PRSS41: variants seen among roughly 807,000 people sequenced by gnomAD.
PRSS41 encodes serine protease 41, also known as protease, serine 41.
Under a neutral mutation model 28.8 loss-of-function variants are expected in PRSS41, and 37 were observed. The observed-to-expected ratio is 1.29, with a 90% confidence interval of 0.99 to 1.69. The LOEUF is 1.69. Among genes scored for constraint, PRSS41 ranks in the 40% most tolerant of loss-of-function variants. The pLI, the probability that PRSS41 is intolerant of heterozygous loss-of-function variation, is 0.00. For missense variants in PRSS41, 431 were observed against 400.7 expected, an observed-to-expected ratio of 1.08 and a Z score of -0.65; for synonymous variants, 195 against 163.1, an observed-to-expected ratio of 1.20 and a Z score of -1.49.
exon 4 of PRSS41, chr16:2,799,380 G>C (rs1035246831): frequency 6.4e-7 from 1 of 1,552,060 alleles, no homozygotes; most frequent in Admixed American, 2.0e-5. Context: ...TCGTTACAAA[G>C]TGCAGGACAT....
At chr16:2,801,754 A>G (rs2068987535) in intron 4 of PRSS41, among the ~76,000 whole-genome samples, 1 of 152,220 alleles carries the variant, frequency 6.6e-6, no homozygotes, top group Non-Finnish European at 1.5e-5. Flanking sequence ...CTACACAGAC[A>G]CGGCAACCAT....
In PRSS41 at chr16:2,804,905, G is replaced by C; in HGVS notation, c.700-9G>C. 1 of 1,573,908 alleles carries C rather than the reference G, an allele frequency of 6.4e-7. No individual in the cohort carries two copies. The highest frequency in any genetic ancestry group is 1.2e-5 in the South Asian group (1 of 85,774). The stretch of plus-strand genomic sequence containing the variant: ...GCCCCAGCCTGGGCTCACCCATGCT[G>C]CTCCCCAGGGTGACTCAGGTGGACC... On this transcript the variant is annotated splice_polypyrimidine_tract_variant and intron_variant, in intron 5 of 5. Coordinates refer to ENST00000399677, the Ensembl canonical transcript of PRSS41.
At chr16:2,800,457 C>T (rs569178661) in intron 4 of PRSS41, among the ~76,000 whole-genome samples, 2 of 149,398 alleles carry the variant, frequency 1.3e-5, no homozygotes, top group Non-Finnish European at 3.0e-5. Flanking sequence ...AGGAGAATCG[C>T]TTGAACCCGT....
chr16:2,798,901 C>T (rs1005479781), intron 2 of PRSS41, 58 bp from the exon 3 acceptor site: 7 of 1,466,110 alleles, frequency 4.8e-6, no homozygotes, highest in African/African-American at 2.9e-5. Context: ...CCGGGCAGGG[C>T]GGGCCTGCCC....
At position 2,798,673 on chromosome 16, in the gene PRSS41, C is replaced by A; in HGVS notation, c.91+11C>A. 2 of 1,461,824 alleles carry A rather than the reference C, an allele frequency of 1.4e-6. No individual in the cohort carries two copies. The highest frequency in any genetic ancestry group is 1.8e-6 in the Non-Finnish European group (2 of 1,110,292). 90.6% of individuals were successfully genotyped at this position (1,461,824 alleles called of 1,614,324 possible). On this transcript the variant is annotated intron_variant, in intron 2 of 5. Transcript: ENST00000399677. Reference sequence around the variant, plus strand: ...AGGAGCTGTTGTCAGGTAGGGCGCCCAGGACGCGCGATGCCAGCCAGGGCG... The same window carrying A: ...AGGAGCTGTTGTCAGGTAGGGCGCCAAGGACGCGCGATGCCAGCCAGGGCG...
chr16:2,802,359 G>A (rs1195116677), intron 4 of PRSS41, among the ~76,000 whole-genome samples: 1 of 151,154 alleles, frequency 6.6e-6, no homozygotes, highest in African/African-American at 2.4e-5. Flanking sequence ...CTTCCTAGAT[G>A]GGATGGCGGC....
intron 4 of PRSS41, among the ~76,000 whole-genome samples, chr16:2,801,390 G>A (rs2150798883): frequency 6.7e-6 from 1 of 149,754 alleles, no homozygotes; most frequent in Non-Finnish European, 1.5e-5. Flanking sequence ...TCTCACAGAG[G>A]GGGATTTGGC....
exon 6 of PRSS41, chr16:2,804,954 T>C: frequency 1.9e-6 from 3 of 1,590,168 alleles, no homozygotes; most frequent in Non-Finnish European, 2.6e-6. Flanking sequence ...AAGGATGGAC[T>C]GTGGTATCAG....
chr16:2,802,145 G>C (rs1475982498), intron 4 of PRSS41, among the ~76,000 whole-genome samples: 2 of 150,004 alleles, frequency 1.3e-5, no homozygotes, highest in Non-Finnish European at 3.0e-5. Context: ...GCCAGGCAGA[G>C]GGTCTCCTCA....
chr16:2,801,127 C>G (rs1044052592), intron 4 of PRSS41, among the ~76,000 whole-genome samples: 3 of 152,154 alleles, frequency 2.0e-5, no homozygotes, highest in African/African-American at 7.2e-5. Context: ...GTGTGAGCCA[C>G]GGTGCCCAGC....
In PRSS41 at chr16:2,805,125, C is replaced by T. The variant is rs767553033; in HGVS notation, c.911C>T (p.Ala304Val). The T allele has an allele frequency of 2.0e-5, 31 of 1,550,040 alleles. No individual in the cohort carries two copies. In the Middle Eastern group the frequency reaches 2.3e-3, roughly 117 times the overall value. Residue 304 changes from alanine (A) to valine (V), a missense_variant, in exon 6 of 6, where the codon GCT becomes GTT. Physicochemically the swap from Ala to Val is moderately conservative, Grantham distance 64. Transcript: ENST00000399677. ...TTGCTGCTCCTTGCCCTGCTGTGGG[C>T]TCCCTGACTCCTGCAGCCATTCTGA...
chr16:2,801,968 G>A (rs1455606871), intron 4 of PRSS41, among the ~76,000 whole-genome samples: 46 of 149,848 alleles, frequency 3.1e-4, no homozygotes, highest in African/African-American at 1.1e-3. Context: ...CCGGGCGGGG[G>A]GCTGACCCCC....
At chr16:2,805,269 T>C (rs1463912657) in exon 6 of PRSS41, 11 of 659,628 alleles carry the variant, frequency 1.7e-5, no homozygotes, top group Non-Finnish European at 2.6e-5. Flanking sequence ...CGGCCCCTTT[T>C]GTCTCGTTTG....
intron 4 of PRSS41, among the ~76,000 whole-genome samples, chr16:2,800,332 GGAGTTC>G (rs1198318766): frequency 1.3e-5 from 2 of 152,176 alleles, no homozygotes; most frequent in African/African-American, 4.8e-5. Flanking sequence ...CCTGAGGTCA[GGAGTTC>G]GAGACCAGCC....
chr16:2,801,000 A>G (rs1312210262), intron 4 of PRSS41, among the ~76,000 whole-genome samples: 1 of 152,126 alleles, frequency 6.6e-6, no homozygotes, highest in Non-Finnish European at 1.5e-5. Context: ...AGTGTCTCCA[A>G]GGTTCATTTT....
At chr16:2,799,181 A>G in intron 3 of PRSS41, 57 bp downstream of exon 3, 1 of 1,506,330 alleles carries the variant, frequency 6.6e-7, no homozygotes, top group South Asian at 1.3e-5. Flanking sequence ...AGGATGAGCA[A>G]ACAGTAGCCA....
chr16:2,801,640 A>C (rs1481572907), intron 4 of PRSS41, among the ~76,000 whole-genome samples: 8 of 150,980 alleles, frequency 5.3e-5, no homozygotes, highest in African/African-American at 1.5e-4. Context: ...CATGTTTCAG[A>C]GAGCACAGGG....
chr16:2,798,593 C>T, intron 1 of PRSS41, 43 bp from the exon 2 acceptor site: 1 of 1,523,072 alleles, frequency 6.6e-7, no homozygotes, highest in Admixed American at 2.2e-5. Flanking sequence ...AGCGAGGAGG[C>T]CGGGAGGTGG....
intron 4 of PRSS41, 27 bp downstream of exon 4, chr16:2,799,596 G>C: frequency 6.5e-7 from 1 of 1,547,812 alleles, no homozygotes; most frequent in Non-Finnish European, 8.7e-7. Flanking sequence ...ACCGGGTGGG[G>C]TGATGGGGGT....
Sources: allele counts gnomAD v4.1 joint callset (sites outside exome capture counted in the v4.1 genomes callset), GRCh38; gene constraint gnomAD v4.1.1; transcripts MANE v1.5; gene names NCBI Gene and HGNC (gene_info 2026-07-23, HGNC 2026-07-21).